The following NPEPPS variants were observed in gnomAD, a reference collection of about 807,000 sequenced individuals.
NPEPPS encodes puromycin-sensitive aminopeptidase.
Under a neutral mutation model 115.5 loss-of-function variants are expected in NPEPPS, and 14 were observed. The observed-to-expected ratio is 0.12, with a 90% CI of 0.08 to 0.19. The LOEUF (loss-of-function observed/expected upper bound fraction) is 0.19, where lower values mean the gene tolerates loss of function less well. Among genes scored for constraint, NPEPPS ranks in the 10% least tolerant of loss-of-function variants. NPEPPS has a pLI of 1.00. For synonymous variants in NPEPPS, 285 were observed against 390.6 expected, an observed-to-expected ratio of 0.73 and a Z score of 3.19; for missense variants, 523 against 1,110.8, an observed-to-expected ratio of 0.47 and a Z score of 7.52.
Position 47,622,002 on chromosome 17 carries a change from A to G in NPEPPS, c.*82A>G. 1 of 1,425,500 alleles carries G rather than the reference A, an allele frequency of 7.0e-7. No homozygotes were observed. Among genetic ancestry groups the G allele is most frequent in the South Asian group, 1.5e-5 (1 of 64,660 alleles). The allele number at this position is 1,425,500 out of a possible 1,614,324, so 88.3% of individuals were successfully genotyped here. A position where few individuals can be genotyped will look rare whatever the true frequency, so the allele number is the denominator to read the frequency against. The stretch of plus-strand genomic sequence containing the variant: ...CTACCGAACAGCTGATTCATATGCC[A>G]AGAATTTGGAGTCTTCTTTCAAACC... On this transcript the variant is annotated 3_prime_UTR_variant, in exon 23 of 23. Transcript: ENST00000322157.
intron 17 of NPEPPS, among the ~76,000 whole-genome samples, chr17:47,610,400 G>T (rs144062632): frequency 2.1e-3 from 324 of 151,276 alleles, no homozygotes; most frequent in African/African-American, 7.5e-3. Context: ...TTTTTGGGGG[G>T]GGGTAACAGA....
At position 47,586,414 on chromosome 17, in the gene NPEPPS, G is replaced by A. The variant is rs2016733; in HGVS notation, c.980+16G>A. On this transcript the variant is annotated intron_variant, in intron 8 of 22. Transcript: ENST00000322157. Reference sequence around the variant, plus strand: ...TTACTTATAGGTATGTTAATGATGTGTTACCCTGCCTTATCTTTTCAAATC... The same window carrying A: ...TTACTTATAGGTATGTTAATGATGTATTACCCTGCCTTATCTTTTCAAATC... 3.2e-6 allele frequency: 5 copies of A among 1,543,632 alleles called. No individual in the cohort carries two copies. In the East Asian group the frequency reaches 7.2e-5, roughly 22 times the overall value.
At chr17:47,560,040 T>C (rs116210980) in intron 2 of NPEPPS, among the ~76,000 whole-genome samples, 3,751 of 152,258 alleles carry the variant, frequency 0.025, 157 homozygotes, top group African/African-American at 0.082. Flanking sequence ...AATGCAAAGC[T>C]TCCTCCTTAT....
chr17:47,562,797 A>AAAG (rs1443373349), intron 2 of NPEPPS, among the ~76,000 whole-genome samples: 12 of 151,386 alleles, frequency 7.9e-5, no homozygotes. Context: ...AAAAAAAAAA[A>AAAG]GAATCTCTTC....
At chr17:47,561,346 C>CAAAAAAA (rs71365075) in intron 2 of NPEPPS, among the ~76,000 whole-genome samples, 2 of 60,778 alleles carry the variant, frequency 3.3e-5, no homozygotes, top group Non-Finnish European at 5.9e-5. Flanking sequence ...GACCCTGTCT[C>CAAAAAAA]AAAAAAAAAA....
Position 47,590,938 on chromosome 17 carries a change from G to A in NPEPPS, c.1260+57G>A, listed in dbSNP as rs1318119468. 1.2e-5 allele frequency: 18 copies of A among 1,470,598 alleles called. No homozygotes were observed. In the Admixed American group the frequency reaches 2.3e-4, roughly 19 times the overall value. The allele number at this position is 1,470,598 out of a possible 1,614,324, so 91.1% of individuals were successfully genotyped here. Reference sequence around the variant, plus strand: ...ACTGCTCTCATTTACAATGAAATACGTAATTTGTTACATAGATACTTTGGA... The same window carrying A: ...ACTGCTCTCATTTACAATGAAATACATAATTTGTTACATAGATACTTTGGA... On this transcript the variant is annotated intron_variant, in intron 10 of 22. Coordinates refer to ENST00000322157, the MANE Select transcript of NPEPPS (RefSeq NM_006310.4).
chr17:47,524,089 C>G (rs1342992720), intron 1 of NPEPPS, among the ~76,000 whole-genome samples: 1 of 150,928 alleles, frequency 6.6e-6, no homozygotes, highest in Non-Finnish European at 1.5e-5. Flanking sequence ...GTGGATCACC[C>G]GAGGTTAGGA....
intron 2 of NPEPPS, among the ~76,000 whole-genome samples, chr17:47,555,777 T>C (rs1227849258): frequency 2.0e-5 from 3 of 151,844 alleles, no homozygotes; most frequent in Non-Finnish European, 4.4e-5. Flanking sequence ...GGCTCACAAC[T>C]GGAGGGTATC....
chr17:47,574,634 A>T (rs1911396128), intron 3 of NPEPPS, among the ~76,000 whole-genome samples: 1 of 152,138 alleles, frequency 6.6e-6, no homozygotes, highest in Non-Finnish European at 1.5e-5. Context: ...TCTGTCACCC[A>T]GGCTGGAGTA....
intron 17 of NPEPPS, among the ~76,000 whole-genome samples, chr17:47,611,791 T>A (rs868475077): frequency 6.6e-6 from 1 of 152,176 alleles, no homozygotes; most frequent in African/African-American, 2.4e-5. Flanking sequence ...ATGTTTAACC[T>A]TTTGAGGGAC....
intron 22 of NPEPPS, 60 bp downstream of exon 22, chr17:47,619,844 G>A (rs1914433898): frequency 1.6e-6 from 2 of 1,275,538 alleles, no homozygotes; most frequent in Admixed American, 1.7e-5. Context: ...CAATAACCTG[G>A]TTGTAATTAT....
At chr17:47,613,030 C>T (rs942013061) in intron 18 of NPEPPS, among the ~76,000 whole-genome samples, 4 of 152,074 alleles carry the variant, frequency 2.6e-5, no homozygotes, top group African/African-American at 9.7e-5. Context: ...CCACAAACCA[C>T]GTCTAACTCT....
At chr17:47,610,401 G>GGA (rs1567870568) in intron 17 of NPEPPS, among the ~76,000 whole-genome samples, 2 of 150,664 alleles carry the variant, frequency 1.3e-5, no homozygotes, top group Non-Finnish European at 1.5e-5. Flanking sequence ...TTTTGGGGGG[G>GGA]GGTAACAGAG....
chr17:47,612,335 G>A (rs890101363), intron 17 of NPEPPS, 125 bp from the exon 18 acceptor site: 3 of 882,404 alleles, frequency 3.4e-6, no homozygotes, highest in African/African-American at 1.7e-5. Context: ...CAGGTATTAA[G>A]TTAATTGAGT....
upstream of NPEPPS, among the ~76,000 whole-genome samples, chr17:47,527,865 C>T (rs1907502525): frequency 1.3e-5 from 2 of 150,960 alleles, no homozygotes; most frequent in African/African-American, 2.4e-5. Flanking sequence ...AGGAGAGTCG[C>T]TTGAACCCGG....
rs1015802372 is a variant in NPEPPS at position 47,545,861 on chromosome 17, A to G, written c.256-48A>G. The G allele has an allele frequency of 8.2e-6, 12 of 1,462,590 alleles. No individual in the cohort carries two copies. The African/African-American group carries it at 9.8e-5, about 12-fold the overall frequency. 90.6% of individuals were successfully genotyped at this position (1,462,590 alleles called of 1,614,324 possible). A position where few individuals can be genotyped will look rare whatever the true frequency, so the allele number is the denominator to read the frequency against. On this transcript the variant is annotated intron_variant, in intron 1 of 22. Transcript: ENST00000322157. Reference sequence around the variant, plus strand: ...CACACCTGGCCAAGTTGTATATACTATTAATCTAGGCTATTTCTGACACTG... The same window carrying G: ...CACACCTGGCCAAGTTGTATATACTGTTAATCTAGGCTATTTCTGACACTG...
Position 47,542,456 on chromosome 17 carries a change from A to G in NPEPPS, c.256-3453A>G, listed in dbSNP as rs1459885231. 5.3e-5 allele frequency among the ~76,000 whole-genome samples: 8 copies of G among 151,868 alleles called. No individual in the cohort carries two copies. The South Asian group carries it at 1.7e-3, about 32-fold the overall frequency. On this transcript the variant is annotated intron_variant, in intron 1 of 22. Coordinates refer to ENST00000322157, the MANE Select transcript of NPEPPS (RefSeq NM_006310.4). ...AGCTACTAGGGAGGCTGAGGCAGGA[A>G]AATCGCTTGAACCTGGGAGGCGGAG...
chr17:47,610,397 G>C (rs187680152), intron 17 of NPEPPS, among the ~76,000 whole-genome samples: 5 of 150,794 alleles, frequency 3.3e-5, no homozygotes, highest in Non-Finnish European at 5.9e-5. Flanking sequence ...TTTTTTTTGG[G>C]GGGGGGTAAC....
At chr17:47,619,662 TTTA>T in intron 21 of NPEPPS, 72 bp from the exon 22 acceptor site, 1 of 1,219,188 alleles carries the variant, frequency 8.2e-7, no homozygotes, top group Non-Finnish European at 1.2e-6. Flanking sequence ...AACAGAATGA[TTTA>T]TTTTTAGGGT....
Sources: gnomAD v4.1 joint callset for allele counts (sites outside exome capture counted in the v4.1 genomes callset) on GRCh38, gnomAD v4.1.1 for gene constraint, MANE v1.5 for transcripts, NCBI Gene and HGNC (gene_info 2026-07-23, HGNC 2026-07-21) for gene names.